The following NLRC3 variants were observed in gnomAD, a reference collection of about 807,000 sequenced individuals.
The protein encoded by NLRC3 is NLR family CARD domain-containing protein 3.
Under a neutral mutation model 91.6 loss-of-function variants are expected in NLRC3, and 87 were observed. The observed-to-expected ratio is 0.95, with a 90% CI of 0.80 to 1.14. The LOEUF (loss-of-function observed/expected upper bound fraction) is 1.14, where lower values mean the gene tolerates loss of function less well. Ranked by LOEUF, NLRC3 falls within the 50% of genes most tolerant of loss-of-function variation. The pLI, the probability that NLRC3 is intolerant of heterozygous loss-of-function variation, is 0.00. For missense variants in NLRC3, 1,577 were observed against 1,418.6 expected, an observed-to-expected ratio of 1.11 and a Z score of -1.79; for synonymous variants, 694 against 625.3, an observed-to-expected ratio of 1.11 and a Z score of -1.64.
Position 3,549,129 on chromosome 16 carries a change from C to G in NLRC3, c.2603+13G>C. On this transcript the variant is annotated intron_variant, in intron 13 of 19. Transcript: ENST00000359128. Reference sequence around the variant, plus strand: ...ATGAACAGCCTGTGGAGTCACAGGCCCCCACCACGTACTCCAGGTTCTTCA... The same window carrying G: ...ATGAACAGCCTGTGGAGTCACAGGCGCCCACCACGTACTCCAGGTTCTTCA... 1 of 1,553,902 alleles carries G rather than the reference C, an allele frequency of 6.4e-7. No homozygotes were observed. The highest frequency in any genetic ancestry group is 2.4e-5 in the East Asian group (1 of 42,022).
chr16:3,556,963 C>G lies in NLRC3; in HGVS notation c.2131G>C (p.Ala711Pro). ...TTCAAAGCGTCTGCCAGCGCCTTGGCCCCTTGTGGTCCAATGGAGTTACCG... is the reference window on the plus strand; with the variant it reads ...TTCAAAGCGTCTGCCAGCGCCTTGGGCCCTTGTGGTCCAATGGAGTTACCG... ...LRGNSIGPQG[A>P]KALADALKIN... The change falls in exon 8 of 20, where the codon GCC becomes CCC. Residue 711 changes from alanine (A) to proline (P), a missense_variant. Transcript: ENST00000359128. The G allele has an allele frequency of 6.2e-7, 1 of 1,613,656 alleles. No homozygotes were observed. Among genetic ancestry groups the G allele is most frequent in the East Asian group, 2.2e-5 (1 of 44,880 alleles).
chr16:3,560,954 C>G (rs1021587560), intron 6 of NLRC3, among the ~76,000 whole-genome samples: 1 of 151,646 alleles, frequency 6.6e-6, no homozygotes, highest in Non-Finnish European at 1.5e-5. Flanking sequence ...CCACCACACC[C>G]GGCCACAAGA....
At chr16:3,562,759 TAG>T (rs1304661230) in intron 5 of NLRC3, 2 of 591,698 alleles carry the variant, frequency 3.4e-6, no homozygotes, top group Non-Finnish European at 3.0e-6. Flanking sequence ...CACTGGAAGC[TAG>T]AGAGGAAGGA....
At chr16:3,559,629 T>C (rs1158399203) in intron 6 of NLRC3, among the ~76,000 whole-genome samples, 1 of 151,042 alleles carries the variant, frequency 6.6e-6, no homozygotes, top group Non-Finnish European at 1.5e-5. Flanking sequence ...TCTTTTACTT[T>C]TCTTTTTTTT....
At chr16:3,547,894 C>T (rs1370522190) in intron 15 of NLRC3, among the ~76,000 whole-genome samples, 2 of 152,186 alleles carry the variant, frequency 1.3e-5, no homozygotes, top group African/African-American at 4.8e-5. Context: ...ATCTTGAACT[C>T]CTGACACCTC....
chr16:3,542,641 G>T, intron 18 of NLRC3, 51 bp downstream of exon 18: 1 of 1,108,836 alleles, frequency 9.0e-7, no homozygotes, highest in Non-Finnish European at 1.4e-6. Flanking sequence ...GGAGGACCCA[G>T]CAGAGAACTC....
chr16:3,558,372 T>G (rs900347361), intron 6 of NLRC3, among the ~76,000 whole-genome samples: 2 of 152,014 alleles, frequency 1.3e-5, no homozygotes, highest in Non-Finnish European at 2.9e-5. Flanking sequence ...GCAAACTGAT[T>G]TGTAGTATCT....
At chr16:3,577,113 C>A in intron 1 of NLRC3, 36 bp downstream of exon 1, 1 of 703,110 alleles carries the variant, frequency 1.4e-6, no homozygotes, top group Non-Finnish European at 2.6e-6. Flanking sequence ...TTCTCCCTCC[C>A]CTGCCCTGCA....
At position 3,566,725 on chromosome 16, in the gene NLRC3, A is replaced by T. The variant is rs576092147; in HGVS notation, c.-87+518T>A. Among the ~76,000 whole-genome samples, 41 of 127,118 alleles carry T rather than the reference A, an allele frequency of 3.2e-4. 1 individual carries two copies. Among genetic ancestry groups the T allele is most frequent in the East Asian group, 6.4e-4 (3 of 4,684 alleles). The allele number at this position is 127,118 out of a possible 152,430, so 83.4% of individuals were successfully genotyped here. ...GGGCAACAAGAACGAAACTCCGTAT[A>T]AAAAAAAAAAAAAAAATTAGCCAGG... On this transcript the variant is annotated intron_variant, in intron 2 of 19. Transcript: ENST00000359128.
rs2151101183 is a variant in NLRC3 at position 3,564,589 on chromosome 16, C to T, written c.348G>A (p.Gly116=). 1.2e-6 allele frequency: 2 copies of T among 1,611,212 alleles called. No homozygotes were observed. The highest frequency in any genetic ancestry group is 1.7e-6 in the Non-Finnish European group (2 of 1,179,608). Residue 116 remains glycine (G), a synonymous_variant, in exon 5 of 20, where the codon GGG becomes GGA. Coordinates refer to ENST00000359128, the MANE Select transcript of NLRC3 (RefSeq NM_178844.4). The surrounding 1 kb of genome is among the most constrained non-coding windows in gnomAD (Gnocchi z 5.9). ...FTQVEATRGG[G]HPARTVALDR... ...CCAGGGCGACGGTCCTGGCGGGGTG[C>T]CCGCCCCCGCGGGTGGCCTCCACCT...
At chr16:3,547,749 A>T (rs1215862389) in intron 15 of NLRC3, among the ~76,000 whole-genome samples, 1 of 152,066 alleles carries the variant, frequency 6.6e-6, no homozygotes, top group Non-Finnish European at 1.5e-5. Flanking sequence ...GCTCACTGCA[A>T]CCTGTGCCTC....
intron 1 of NLRC3, among the ~76,000 whole-genome samples, chr16:3,573,390 C>A (rs1014244486): frequency 2.0e-5 from 3 of 152,178 alleles, no homozygotes; most frequent in Non-Finnish European, 4.4e-5. Flanking sequence ...TCTCACTACT[C>A]CACTCCAGCC....
Position 3,564,943 on chromosome 16 carries a change from G to C in NLRC3, c.94C>G (p.Leu32Val). 6.2e-7 allele frequency: 1 copy of C among 1,610,684 alleles called. No homozygotes were observed. The highest frequency in any genetic ancestry group is 8.5e-7 in the Non-Finnish European group (1 of 1,179,680). Residue 32 changes from leucine to valine, a missense_variant, in exon 4 of 20, where the codon CTG (leucine) becomes GTG (valine). Physicochemically the swap from Leu to Val is conservative, Grantham distance 32. Transcript: ENST00000359128. This position sits in a 1 kb window ranked among gnomAD's most constrained non-coding sequence, Gnocchi z 5.9. ...GAGCCTTGACTGCCCTTCCCAGCCA[G>C]CAGATCCATGAGGGCTTTCACCTGC... ...AEQVKALMDL[L>V]AGKGSQGSQA...
chr16:3,554,318 C>T lies in NLRC3; in HGVS notation c.2191G>A (p.Gly731Ser), dbSNP rs377602360. The change falls in exon 9 of 20, where the codon GGC (glycine) becomes AGC (serine). Residue 731 changes from glycine to serine, a missense_variant. Gly to Ser is a moderately conservative substitution (Grantham distance 56). Transcript: ENST00000359128. ...GCACCATCATCCCTAACGGTGTTGCCCTGGAGGCTGCAGAGACAAGAAGAG... is the reference window on the plus strand; with the variant it reads ...GCACCATCATCCCTAACGGTGTTGCTCTGGAGGCTGCAGAGACAAGAAGAG... ...NRTLTSLSLQ[G>S]NTVRDDGARS... is the part of the protein sequence containing the mutation. 8 of 1,613,274 alleles carry T rather than the reference C, an allele frequency of 5.0e-6. No homozygotes were observed. The African/African-American group carries it at 1.1e-4, about 22-fold the overall frequency.
chr16:3,541,885 C>T lies in NLRC3; in HGVS notation c.3138G>A (p.Gly1046=), dbSNP rs1467090187. The T allele has an allele frequency of 6.2e-7, 1 of 1,611,872 alleles. No individual in the cohort carries two copies. The highest frequency in any genetic ancestry group is 1.3e-5 in the African/African-American group (1 of 74,872). Reference sequence around the variant, plus strand: ...TGATGGCCTCTGAGATCATCCTGGCCCCGGAGTCCCCAATGTGGTTTCCCT... The same window carrying T: ...TGATGGCCTCTGAGATCATCCTGGCTCCGGAGTCCCCAATGTGGTTTCCCT... The part of the protein sequence containing the change: ...NLQGNHIGDS[G]ARMISEAIKT... Residue 1046 remains glycine (G), a synonymous_variant, in exon 20 of 20, where the codon GGG becomes GGA. Coordinates refer to ENST00000359128, the MANE Select transcript of NLRC3 (RefSeq NM_178844.4).
At position 3,539,348 on chromosome 16, in the gene NLRC3, T is replaced by G. The variant is rs2038310723; in HGVS notation, c.*2477A>C. On this transcript the variant is annotated 3_prime_UTR_variant, in exon 20 of 20. Coordinates refer to ENST00000359128, the MANE Select transcript of NLRC3 (RefSeq NM_178844.4). The stretch of plus-strand genomic sequence containing the variant: ...CCTTTCTATGTGGATATGAATTAAA[T>G]TCTCTTGTCTGTTTTGCTCTGATGG... 1 of 152,278 alleles carries G rather than the reference T, an allele frequency of 6.6e-6. No individual in the cohort carries two copies. The highest frequency in any genetic ancestry group is 1.5e-5 in the Non-Finnish European group (1 of 68,044). The allele number at this position is 152,278 out of a possible 1,614,324, so 9.4% of individuals were successfully genotyped here.
In NLRC3 at chr16:3,563,269, G is replaced by A. The variant is rs114956512; in HGVS notation, c.1668C>T (p.Pro556=). Residue 556 remains proline, a synonymous_variant, in exon 5 of 20, where the codon CCC becomes CCT. Coordinates refer to ENST00000359128, the MANE Select transcript of NLRC3 (RefSeq NM_178844.4). ...TGGCCCGTGCACAGACTGCGGCATCGGGGCGCAGGCAGCCCTGCAGGAGCT... is the reference window on the plus strand; with the variant it reads ...TGGCCCGTGCACAGACTGCGGCATCAGGGCGCAGGCAGCCCTGCAGGAGCT... ...VAELLQGCLR[P]DAAVCARAIN... The A allele has an allele frequency of 1.1e-3, 1,803 of 1,605,638 alleles. 11 individuals are homozygous for A. The African/African-American group carries it at 0.014, about 12-fold the overall frequency.
intron 6 of NLRC3, among the ~76,000 whole-genome samples, chr16:3,560,461 T>C (rs910764145): frequency 6.6e-6 from 1 of 151,986 alleles, no homozygotes; most frequent in African/African-American, 2.4e-5. Context: ...TTGGGTTCTC[T>C]TCTCCAAACT....
At chr16:3,549,655 G>C in intron 12 of NLRC3, 42 bp downstream of exon 12, 1 of 1,433,228 alleles carries the variant, frequency 7.0e-7, no homozygotes. Context: ...CAGGTGCCTC[G>C]TCAAAGAAAC....
Sources: allele counts gnomAD v4.1 joint callset (sites outside exome capture counted in the v4.1 genomes callset), GRCh38; gene constraint gnomAD v4.1.1; non-coding constraint Gnocchi (gnomAD v3.1); transcripts MANE v1.5; gene names NCBI Gene and HGNC (gene_info 2026-07-23, HGNC 2026-07-21).